The following ANKRD44 variants were observed in gnomAD, a reference collection of about 807,000 sequenced individuals.
The protein encoded by ANKRD44 is serine/threonine-protein phosphatase 6 regulatory ankyrin repeat subunit B.
In ANKRD44, 35 loss-of-function variants were observed where a neutral mutation model predicts 116.0. The ratio of observed to expected loss-of-function variants is 0.30; its 90% CI spans 0.23 to 0.40. The LOEUF is 0.40. Among genes scored for constraint, ANKRD44 ranks in the 10% least tolerant of loss-of-function variants. The pLI, the probability that ANKRD44 is intolerant of heterozygous loss-of-function variation, is 1.00. For missense variants in ANKRD44, 1,014 were observed against 1,242.6 expected (o/e 0.82, Z 2.77); for synonymous variants, 435 against 461.8 (o/e 0.94, Z 0.74).
chr2:197,210,360 C>T (rs1253901760), intron 1 of ANKRD44, among the ~76,000 whole-genome samples: 1 of 152,194 alleles, frequency 6.6e-6, no homozygotes, highest in Non-Finnish European at 1.5e-5. Context: ...TTACGATTAA[C>T]ATCTTCCGTT....
intron 16 of ANKRD44, among the ~76,000 whole-genome samples, chr2:197,064,154 C>A (rs968629685): frequency 7.9e-5 from 12 of 152,210 alleles, no homozygotes; most frequent in African/African-American, 2.9e-4. Flanking sequence ...ATTCAACATT[C>A]TTAAAGAAAA....
intron 2 of ANKRD44, among the ~76,000 whole-genome samples, chr2:197,184,182 G>A (rs1184746055): frequency 1.3e-5 from 2 of 152,134 alleles, no homozygotes; most frequent in Admixed American, 1.3e-4. Context: ...AATTGGTGTG[G>A]CCAAGATTGC....
downstream of ANKRD44, among the ~76,000 whole-genome samples, chr2:196,982,108 TTATATA>T (rs58816698): frequency 1.0e-5 from 1 of 96,550 alleles, no homozygotes; most frequent in Non-Finnish European, 2.1e-5. Flanking sequence ...CTAAAAAAAA[TTATATA>T]TATATATATA....
intron 1 of ANKRD44, among the ~76,000 whole-genome samples, chr2:197,308,176 A>C (rs1459186784): frequency 3.4e-4 from 52 of 151,680 alleles, no homozygotes; most frequent in African/African-American, 8.0e-4. Context: ...CACACACAAA[A>C]AAAAAAAAGG....
At chr2:196,975,084 A>T (rs1019821897) in intron 21 of ANKRD44, among the ~76,000 whole-genome samples, 1 of 152,200 alleles carries the variant, frequency 6.6e-6, no homozygotes, top group African/African-American at 2.4e-5. Flanking sequence ...TAAAGAAGAA[A>T]AGGAGAAAAG....
intron 25 of ANKRD44, among the ~76,000 whole-genome samples, chr2:196,997,109 G>C (rs1266715548): frequency 6.6e-6 from 1 of 151,866 alleles, no homozygotes; most frequent in Non-Finnish European, 1.5e-5. Context: ...ATAACACTCA[G>C]ATTTTTGGAT....
chr2:197,003,703 T>A (rs971879060), intron 21 of ANKRD44, among the ~76,000 whole-genome samples: 3 of 152,094 alleles, frequency 2.0e-5, no homozygotes, highest in Non-Finnish European at 4.4e-5. Context: ...GAAGAGAGGA[T>A]CTGGTCTGTG....
chr2:196,992,865 C>T (rs1039814062), intron 27 of ANKRD44: 10 of 152,580 alleles, frequency 6.6e-5, no homozygotes, highest in African/African-American at 2.2e-4. Context: ...TAATTAAATG[C>T]CACATTTTAA....
chr2:197,272,694 G>C (rs909305017), intron 1 of ANKRD44, among the ~76,000 whole-genome samples: 1 of 151,270 alleles, frequency 6.6e-6, no homozygotes, highest in African/African-American at 2.4e-5. Flanking sequence ...TAGACCCAGA[G>C]AGCTCCCTCA....
chr2:197,149,923 G>C (rs1046873183), intron 2 of ANKRD44, among the ~76,000 whole-genome samples: 1 of 152,192 alleles, frequency 6.6e-6, no homozygotes, highest in Non-Finnish European at 1.5e-5. Context: ...CTGGAGAAAA[G>C]AGAATAGTAG....
At chr2:197,087,860 T>A (rs1041738369) in intron 12 of ANKRD44, among the ~76,000 whole-genome samples, 14 of 152,110 alleles carry the variant, frequency 9.2e-5, no homozygotes, top group African/African-American at 2.4e-4. Flanking sequence ...GGGTCTTTTT[T>A]AAAAATAATA....
intron 1 of ANKRD44, among the ~76,000 whole-genome samples, chr2:197,303,032 C>T (rs1278440706): frequency 6.6e-6 from 1 of 152,234 alleles, no homozygotes; most frequent in Non-Finnish European, 1.5e-5. Context: ...AAGAACCACA[C>T]TGAGAACAGC....
intron 3 of ANKRD44, 35 bp from the exon 4 acceptor site, chr2:197,136,697 G>C (rs1427889869): frequency 1.3e-6 from 2 of 1,594,522 alleles, no homozygotes; most frequent in Admixed American, 3.3e-5. Context: ...AGGCATAATG[G>C]GGTCAAGGGA....
At chr2:197,066,019 A>G (rs559137970) in intron 16 of ANKRD44, among the ~76,000 whole-genome samples, 1 of 152,324 alleles carries the variant, frequency 6.6e-6, no homozygotes, top group Admixed American at 6.5e-5. Context: ...TCCCTGACAA[A>G]CATCAATGTA....
chr2:197,117,082 A>T (rs1409431286), intron 8 of ANKRD44, among the ~76,000 whole-genome samples: 1 of 152,172 alleles, frequency 6.6e-6, no homozygotes, highest in Non-Finnish European at 1.5e-5. Context: ...ACTGAGACAC[A>T]CAAAGAGCTT....
chr2:196,991,091 G>T (rs1412764160), intron 27 of ANKRD44, among the ~76,000 whole-genome samples: 2 of 152,142 alleles, frequency 1.3e-5, no homozygotes, highest in Non-Finnish European at 2.9e-5. Flanking sequence ...CATGCTAGGG[G>T]TGAGGCTAGA....
chr2:197,193,576 T>C (rs113579874), intron 1 of ANKRD44, among the ~76,000 whole-genome samples: 3 of 152,244 alleles, frequency 2.0e-5, no homozygotes, highest in African/African-American at 7.2e-5. Context: ...ATTTTATAGA[T>C]GTGTTTAAAA....
intron 16 of ANKRD44, among the ~76,000 whole-genome samples, chr2:197,058,379 C>G (rs115289117): frequency 6.8e-5 from 10 of 146,754 alleles, no homozygotes; most frequent in Non-Finnish European, 1.5e-4. Flanking sequence ...GTGTTCTCCC[C>G]GCATTTAGGC....
chr2:196,967,208 G>C (rs771102548), exon 22 of ANKRD44: 7 of 231,764 alleles, frequency 3.0e-5, no homozygotes, highest in Admixed American at 1.8e-4. Context: ...GTTTTCTAAG[G>C]GAAAGAGGAA....
Sources: gnomAD v4.1 joint callset for allele counts (sites outside exome capture counted in the v4.1 genomes callset) on GRCh38, gnomAD v4.1.1 for gene constraint, MANE v1.5 for transcripts, NCBI Gene and HGNC (gene_info 2026-07-23, HGNC 2026-07-21) for gene names.